Variants in DGKB observed in about 807,000 individuals in gnomAD.
DGKB encodes 90 kDa diacylglycerol kinase.
A neutral mutation model predicts 114.3 loss-of-function variants in DGKB; 67 were observed. The observed-to-expected ratio is 0.59, with a 90% CI of 0.48 to 0.72. DGKB has a LOEUF of 0.72. Ranked by LOEUF, DGKB falls within the 30% of genes least tolerant of loss-of-function variation. The pLI is 0.00. For synonymous variants in DGKB, 398 were observed against 323.1 expected (o/e 1.23, Z -2.49); for missense variants, 907 against 975.2 (o/e 0.93, Z 0.93).
intron 1 of DGKB, among the ~76,000 whole-genome samples, chr7:14,945,397 C>T (rs1267092084): frequency 1.3e-5 from 2 of 151,780 alleles, no homozygotes; most frequent in East Asian, 3.9e-4. Flanking sequence ...GTTCTGGTTA[C>T]ATGGGTGTGT....
intron 12 of DGKB, among the ~76,000 whole-genome samples, chr7:14,681,389 C>A (rs948998659): frequency 6.6e-6 from 1 of 151,602 alleles, no homozygotes; most frequent in Non-Finnish European, 1.5e-5. Context: ...AAAAGTAAGT[C>A]AGTTGTTTTT....
intron 5 of DGKB, among the ~76,000 whole-genome samples, chr7:14,730,515 A>G (rs1830749360): frequency 6.6e-6 from 1 of 152,214 alleles, no homozygotes; most frequent in South Asian, 2.1e-4. Context: ...AACATTATGT[A>G]AGAAAACTCA....
chr7:14,901,812 G>C (rs929741786), intron 1 of DGKB, among the ~76,000 whole-genome samples: 1 of 152,004 alleles, frequency 6.6e-6, no homozygotes, highest in African/African-American at 2.4e-5. Flanking sequence ...TAAAAGAGTT[G>C]GTTATCTGCA....
At chr7:14,734,997 C>A (rs1006564701) in intron 5 of DGKB, among the ~76,000 whole-genome samples, 8 of 152,168 alleles carry the variant, frequency 5.3e-5, no homozygotes, top group Non-Finnish European at 7.3e-5. Context: ...AGCAAGAGAA[C>A]CTGCTGCTCC....
chr7:14,473,563 G>A (rs535051711), intron 21 of DGKB, among the ~76,000 whole-genome samples: 1 of 152,082 alleles, frequency 6.6e-6, no homozygotes, highest in African/African-American at 2.4e-5. Flanking sequence ...GTGAGAAGAG[G>A]GCCACCATCC....
At chr7:14,538,127 C>A (rs7793693) in intron 20 of DGKB, among the ~76,000 whole-genome samples, 15,626 of 135,968 alleles carry the variant, frequency 0.11, 1,325 homozygotes, top group East Asian at 0.44. Context: ...CTACATCAAA[C>A]CAAAAAGCTT....
intron 6 of DGKB, among the ~76,000 whole-genome samples, chr7:14,702,142 A>C (rs1203602957): frequency 6.6e-6 from 1 of 152,190 alleles, no homozygotes; most frequent in African/African-American, 2.4e-5. Context: ...CACTATTCAC[A>C]ATTATAAGAG....
chr7:14,451,751 A>C (rs1831541498), intron 21 of DGKB, among the ~76,000 whole-genome samples: 1 of 152,122 alleles, frequency 6.6e-6, no homozygotes, highest in South Asian at 2.1e-4. Context: ...ATCAATGAGA[A>C]AATGTGTTAA....
intron 21 of DGKB, among the ~76,000 whole-genome samples, chr7:14,404,151 T>C (rs1340465138): frequency 6.6e-6 from 1 of 150,822 alleles, no homozygotes; most frequent in East Asian, 1.9e-4. Context: ...TCTACTTTCT[T>C]CTAATAATCA....
chr7:14,314,288 CT>C (rs1353078070), intron 23 of DGKB, among the ~76,000 whole-genome samples: 2 of 152,158 alleles, frequency 1.3e-5, no homozygotes, highest in African/African-American at 2.4e-5. Context: ...CAGAGAATGA[CT>C]TTGACGAGCT....
chr7:14,602,571 G>C (rs910212607), intron 17 of DGKB, among the ~76,000 whole-genome samples: 8 of 152,166 alleles, frequency 5.3e-5, no homozygotes, highest in Admixed American at 6.6e-5. Context: ...CCAGCCAGCT[G>C]TTTTTCTGCT....
At chr7:14,664,661 A>G (rs974641771) in intron 13 of DGKB, among the ~76,000 whole-genome samples, 17 of 152,164 alleles carry the variant, frequency 1.1e-4, no homozygotes, top group Non-Finnish European at 2.4e-4. Flanking sequence ...ATACCTATTT[A>G]TGCTCAGACA....
chr7:14,639,677 T>C (rs531700974), intron 13 of DGKB, among the ~76,000 whole-genome samples: 1 of 152,368 alleles, frequency 6.6e-6, no homozygotes, highest in African/African-American at 2.4e-5. Flanking sequence ...AAGGCTAAAC[T>C]ATCACTATGA....
chr7:14,757,203 C>T (rs1040763285), intron 3 of DGKB, among the ~76,000 whole-genome samples: 3 of 152,112 alleles, frequency 2.0e-5, no homozygotes, highest in Middle Eastern at 6.8e-3. Flanking sequence ...TAACTCCCTA[C>T]CCCTACACCA....
intron 20 of DGKB, among the ~76,000 whole-genome samples, chr7:14,501,275 T>G (rs1442373850): frequency 6.6e-6 from 1 of 151,908 alleles, no homozygotes; most frequent in Non-Finnish European, 1.5e-5. Context: ...ATAGACGGAT[T>G]CAATTAATAG....
chr7:14,908,267 C>T (rs758198580), upstream of DGKB, among the ~76,000 whole-genome samples: 6 of 151,650 alleles, frequency 4.0e-5, no homozygotes, highest in Non-Finnish European at 8.8e-5. Context: ...TCTTCTATAC[C>T]CACTCTAACC....
intron 14 of DGKB, among the ~76,000 whole-genome samples, chr7:14,623,635 T>G (rs887465002): frequency 6.6e-6 from 1 of 152,174 alleles, no homozygotes. Flanking sequence ...GCAAAAACAC[T>G]GAATATATTT....
At chr7:14,264,092 A>G (rs1482529471) in intron 23 of DGKB, among the ~76,000 whole-genome samples, 8 of 152,116 alleles carry the variant, frequency 5.3e-5, no homozygotes, top group Admixed American at 4.6e-4. Context: ...ACAGAGCTCC[A>G]TGTGATCAAA....
chr7:14,553,791 T>C (rs1277768028), intron 20 of DGKB, among the ~76,000 whole-genome samples: 1 of 151,688 alleles, frequency 6.6e-6, no homozygotes, highest in Non-Finnish European at 1.5e-5. Context: ...GCTGGAGGTA[T>C]ATATATTTGC....
Sources: allele counts gnomAD v4.1 joint callset (sites outside exome capture counted in the v4.1 genomes callset), GRCh38; gene constraint gnomAD v4.1.1; transcripts MANE v1.5; gene names NCBI Gene and HGNC (gene_info 2026-07-23, HGNC 2026-07-21).